FRMD3: variants seen among roughly 807,000 people sequenced by gnomAD.
FRMD3 encodes the protein FERM domain-containing protein 3.
In FRMD3, 33 loss-of-function variants were observed where a neutral mutation model predicts 70.2. The ratio of observed to expected loss-of-function variants is 0.47; its 90% CI spans 0.36 to 0.63. The LOEUF (loss-of-function observed/expected upper bound fraction) is 0.63. Ranked by LOEUF, FRMD3 falls within the 20% of genes least tolerant of loss-of-function variation. The probability of loss-of-function intolerance (pLI) is 0.00; values close to 1 mark genes in which losing one functional copy is unlikely to be tolerated. For missense variants in FRMD3, 632 were observed against 711.4 expected, an observed-to-expected ratio of 0.89 and a Z score of 1.27; for synonymous variants, 279 against 255.9, an observed-to-expected ratio of 1.09 and a Z score of -0.86.
chr9:83,406,190 A>G (rs1193035404), intron 1 of FRMD3, among the ~76,000 whole-genome samples: 3 of 152,136 alleles, frequency 2.0e-5, no homozygotes, highest in Non-Finnish European at 2.9e-5. Flanking sequence ...TTCTGCCTCC[A>G]GTCACTAACA....
chr9:83,274,553 A>C (rs12005318), intron 13 of FRMD3, among the ~76,000 whole-genome samples: 32,026 of 152,192 alleles, frequency 0.21, 3,960 homozygotes, highest in African/African-American at 0.35. Context: ...GAGCAAGGGA[A>C]CCAGCACGAG....
chr9:83,524,220 T>A (rs190226846), intron 1 of FRMD3, among the ~76,000 whole-genome samples: 12 of 152,350 alleles, frequency 7.9e-5, no homozygotes, highest in African/African-American at 2.9e-4. Flanking sequence ...AAAATTTCAT[T>A]AGCATTACCC....
intron 2 of FRMD3, among the ~76,000 whole-genome samples, 161 bp downstream of exon 2, chr9:83,389,443 C>T (rs1231813339): frequency 6.6e-6 from 1 of 152,180 alleles, no homozygotes; most frequent in African/African-American, 2.4e-5. Context: ...TCCACCCAGT[C>T]CAGTGAGGAC....
chr9:83,423,689 C>T lies in FRMD3; in HGVS notation c.148-33981G>A, dbSNP rs1257060107. On this transcript the variant is annotated intron_variant, in intron 1 of 13. Transcript: ENST00000304195. ...TCAGCTCACTGCAACCTCCGTCTGC[C>T]AGGTTCAAGCGATTCTCCTGCCTCA... Among the ~76,000 whole-genome samples the T allele has an allele frequency of 2.1e-5, 3 of 144,836 alleles. No individual in the cohort carries two copies. In the Admixed American group the frequency reaches 2.2e-4, roughly 10 times the overall value.
chr9:83,475,386 C>A (rs1828371596), intron 1 of FRMD3, among the ~76,000 whole-genome samples: 1 of 151,546 alleles, frequency 6.6e-6, no homozygotes, highest in African/African-American at 2.4e-5. Flanking sequence ...GCAAAAAGAC[C>A]CAGCTGAAGA....
chr9:83,563,757 A>C, the FRMD3 span, among the ~76,000 whole-genome samples: 2 of 152,144 alleles, frequency 1.3e-5, no homozygotes, highest in African/African-American at 2.4e-5. Context: ...TCTACTAAAG[A>C]GGAAAAAAAT....
chr9:83,542,135 A>G (rs925730314), upstream of FRMD3, among the ~76,000 whole-genome samples: 16 of 152,106 alleles, frequency 1.1e-4, no homozygotes, highest in Non-Finnish European at 1.5e-5. Context: ...CAGTGGCTGC[A>G]AGTCCAGTTC....
chr9:83,245,420 C>T lies in FRMD3; in HGVS notation c.*2498G>A, dbSNP rs1587603703. The stretch of plus-strand genomic sequence containing the variant: ...ATGGCATTTCAAGATTCCAGTTTAA[C>T]TTTTGATGGCTGTTTAAATTCAGCA... On this transcript the variant is annotated 3_prime_UTR_variant, in exon 14 of 14. Transcript: ENST00000304195. 1.0e-6 allele frequency: 1 copy of T among 985,392 alleles called. No homozygotes were observed. Among genetic ancestry groups the T allele is most frequent in the Middle Eastern group, 5.2e-4 (1 of 1,914 alleles). 61.0% of individuals were successfully genotyped at this position (985,392 alleles called of 1,614,324 possible).
At chr9:83,559,598 G>A in the FRMD3 span, among the ~76,000 whole-genome samples, 52 of 152,306 alleles carry the variant, frequency 3.4e-4, no homozygotes, top group Admixed American at 2.9e-3. Context: ...TTTTCTAGGT[G>A]AAGGGTGCCC....
chr9:83,250,597 G>C (rs1309474676), intron 13 of FRMD3, among the ~76,000 whole-genome samples: 3 of 152,200 alleles, frequency 2.0e-5, no homozygotes, highest in African/African-American at 7.2e-5. Context: ...GTCTGCTTGA[G>C]GTGGGTCTAA....
chr9:83,303,904 T>A (rs551812614), intron 10 of FRMD3, among the ~76,000 whole-genome samples: 1 of 152,184 alleles, frequency 6.6e-6, no homozygotes, highest in Non-Finnish European at 1.5e-5. Flanking sequence ...ATTCCCCTCC[T>A]CATCTCACCA....
At chr9:83,487,211 G>GA (rs1239224584) in intron 1 of FRMD3, among the ~76,000 whole-genome samples, 1 of 152,116 alleles carries the variant, frequency 6.6e-6, no homozygotes. Flanking sequence ...ACCTGTGTGG[G>GA]AAAAATACCA....
intron 13 of FRMD3, among the ~76,000 whole-genome samples, chr9:83,261,370 ACACCATGGTCAGTTGCTCTCCC>A (rs1832984692): frequency 6.6e-6 from 1 of 152,036 alleles, no homozygotes; most frequent in African/African-American, 2.4e-5. Context: ...GACCATCTTG[ACACCATGGTCAGTTGCTCTCCC>A]CACCTGCTGA....
intron 1 of FRMD3, among the ~76,000 whole-genome samples, chr9:83,518,841 A>G (rs2131542101): frequency 1.3e-5 from 2 of 152,338 alleles, no homozygotes; most frequent in South Asian, 4.1e-4. Flanking sequence ...AATACCACAC[A>G]TCTACAACCA....
the FRMD3 span, among the ~76,000 whole-genome samples, chr9:83,562,779 G>A: frequency 1.3e-5 from 2 of 152,120 alleles, no homozygotes; most frequent in South Asian, 4.1e-4. Flanking sequence ...TAGAATTATG[G>A]AATGTCAGAA....
intron 13 of FRMD3, chr9:83,266,892 T>C (rs1587648636): frequency 9.6e-7 from 1 of 1,042,110 alleles, no homozygotes; most frequent in East Asian, 2.6e-5. Context: ...TCTCTTTTCA[T>C]CCTTATCAAA....
In FRMD3 at chr9:83,245,351, C is replaced by CT. The variant is rs1832043094; in HGVS notation, c.*2566dup. On this transcript the variant is annotated 3_prime_UTR_variant, in exon 14 of 14. Coordinates refer to ENST00000304195, the MANE Select transcript of FRMD3 (RefSeq NM_174938.6). ...AACTGGTGACTATCTTCTAACAAAACTTAAATGGATGTTTCTAAAAGGCTC... is the reference window on the plus strand; with the variant it reads ...AACTGGTGACTATCTTCTAACAAAACTTTAAATGGATGTTTCTAAAAGGCTC... 12 of 985,302 alleles carry CT rather than the reference C, an allele frequency of 1.2e-5. No individual in the cohort carries two copies. The highest frequency in any genetic ancestry group is 7.2e-6 in the Non-Finnish European group (6 of 829,928). The allele number at this position is 985,302 out of a possible 1,614,324, so 61.0% of individuals were successfully genotyped here.
At chr9:83,330,255 T>A (rs1836202572) in intron 6 of FRMD3, among the ~76,000 whole-genome samples, 1 of 151,274 alleles carries the variant, frequency 6.6e-6, no homozygotes, top group African/African-American at 2.4e-5. Flanking sequence ...TCCCAGCTAC[T>A]CCGGAGGCTG....
intron 1 of FRMD3, among the ~76,000 whole-genome samples, chr9:83,485,545 C>T (rs1456935692): frequency 6.6e-6 from 1 of 152,204 alleles, no homozygotes; most frequent in Non-Finnish European, 1.5e-5. Flanking sequence ...ACATCTAAAG[C>T]TGGCTTTCCT....
Sources: gnomAD v4.1 joint callset for allele counts (sites outside exome capture counted in the v4.1 genomes callset) on GRCh38, gnomAD v4.1.1 for gene constraint, MANE v1.5 for transcripts, NCBI Gene and HGNC (gene_info 2026-07-23, HGNC 2026-07-21) for gene names.